SNHG17: variants seen among roughly 807,000 people sequenced by gnomAD.
SNHG17 encodes small nucleolar RNA host gene 17.
intron 3 of SNHG17, chr20:38,427,286 G>A (rs1265433840): frequency 2.0e-6 from 1 of 487,848 alleles, no homozygotes; most frequent in Non-Finnish European, 4.1e-6. Flanking sequence ...CTCCTCAAGG[G>A]CTGGCAGGAG....
intron 3 of SNHG17, chr20:38,429,623 G>A (rs758120086): frequency 2.1e-6 from 1 of 465,902 alleles, no homozygotes; most frequent in East Asian, 6.2e-5. Context: ...CCCACTAGAT[G>A]ATGCCAGGCA....
At chr20:38,424,370 G>C (rs565418747) in intron 5 of SNHG17, among the ~76,000 whole-genome samples, 1 of 151,814 alleles carries the variant, frequency 6.6e-6, no homozygotes, top group Non-Finnish European at 1.5e-5. Flanking sequence ...TGTCTCCCCC[G>C]ATTACTACTC....
chr20:38,435,288 G>A lies in SNHG17; in HGVS notation n.94C>T, dbSNP rs567677407. The A allele has an allele frequency of 1.8e-5, 22 of 1,231,744 alleles. No individual in the cohort carries two copies. The African/African-American group carries it at 1.9e-4, about 10-fold the overall frequency. The allele number at this position is 1,231,744 out of a possible 1,614,324, so 76.3% of individuals were successfully genotyped here. A position where few individuals can be genotyped will look rare whatever the true frequency, so the allele number is the denominator to read the frequency against. On this transcript the variant is annotated non_coding_transcript_exon_variant, in exon 1 of 9. Transcript: ENST00000654008. Reference sequence around the variant, plus strand: ...CAGATTTCGAGAGATGGGGTGCGGTGGCGTGCGATGGCGAAGGACGGCGAG... The same window carrying A: ...CAGATTTCGAGAGATGGGGTGCGGTAGCGTGCGATGGCGAAGGACGGCGAG...
chr20:38,431,043 G>A (rs928748261), exon 3 of SNHG17: 1 of 152,316 alleles, frequency 6.6e-6, no homozygotes, highest in Non-Finnish European at 1.5e-5. Context: ...CCACTTACCT[G>A]GGACCTCAGG....
chr20:38,434,000 CA>C (rs1468524217), intron 2 of SNHG17: 1 of 515,950 alleles, frequency 1.9e-6, no homozygotes, highest in African/African-American at 1.9e-5. Context: ...AATACAGGTG[CA>C]AAAAAGGGCA....
At chr20:38,426,810 A>T (rs2084255620) in intron 3 of SNHG17, among the ~76,000 whole-genome samples, 1 of 150,676 alleles carries the variant, frequency 6.6e-6, no homozygotes, top group Non-Finnish European at 1.5e-5. Flanking sequence ...GAGGGTCGAG[A>T]GAACAGGCGA....
intron 3 of SNHG17, chr20:38,428,031 G>GC (rs1340793709): frequency 1.3e-5 from 2 of 152,258 alleles, no homozygotes; most frequent in Non-Finnish European, 2.9e-5. Context: ...GAGGGAGGGA[G>GC]CATGAGGAAG....
At chr20:38,428,725 T>C (rs1600762531) in intron 3 of SNHG17, 1 of 152,254 alleles carries the variant, frequency 6.6e-6, no homozygotes, top group East Asian at 1.9e-4. Flanking sequence ...TCCAGCAGCG[T>C]CCAGCAAGCA....
At chr20:38,434,278 C>A (rs2084392254) in intron 2 of SNHG17, among the ~76,000 whole-genome samples, 1 of 152,212 alleles carries the variant, frequency 6.6e-6, no homozygotes, top group African/African-American at 2.4e-5. Context: ...CCTCAGAGAG[C>A]CTTTGCAGTT....
At chr20:38,421,493 C>A (rs1250522389) in intron 6 of SNHG17, 1 of 152,150 alleles carries the variant, frequency 6.6e-6, no homozygotes, top group East Asian at 1.9e-4. Flanking sequence ...CAGCGTGGGG[C>A]CCAGAGAGAA....
chr20:38,434,637 A>G, intron 1 of SNHG17: 1 of 174,432 alleles, frequency 5.7e-6, no homozygotes, highest in South Asian at 1.9e-4. Flanking sequence ...CTAGGCAAGG[A>G]AAAAGCACGG....
At chr20:38,433,527 T>C (rs1205761587) in intron 2 of SNHG17, among the ~76,000 whole-genome samples, 6 of 151,082 alleles carry the variant, frequency 4.0e-5, no homozygotes, top group Non-Finnish European at 7.4e-5. Flanking sequence ...AGTACAGGAG[T>C]TCAAGCTATG....
chr20:38,421,731 A>AG (rs1440341707), intron 6 of SNHG17: 2 of 152,286 alleles, frequency 1.3e-5, no homozygotes, highest in Non-Finnish European at 2.9e-5. Context: ...TGCACTGTTA[A>AG]TGATCGGGAC....
At chr20:38,426,783 C>T (rs950284110) in intron 3 of SNHG17, among the ~76,000 whole-genome samples, 1 of 150,694 alleles carries the variant, frequency 6.6e-6, no homozygotes, top group Non-Finnish European at 1.5e-5. Context: ...CAGTGAGTGA[C>T]ACCAATGCAC....
At chr20:38,430,068 G>A (rs2084317385) in intron 3 of SNHG17, among the ~76,000 whole-genome samples, 1 of 152,214 alleles carries the variant, frequency 6.6e-6, no homozygotes, top group Non-Finnish European at 1.5e-5. Context: ...TGTAATCCCA[G>A]CACTTTGGGA....
intron 2 of SNHG17, chr20:38,432,259 T>G (rs975749906): frequency 2.9e-6 from 2 of 700,574 alleles, no homozygotes; most frequent in Admixed American, 6.3e-5. Context: ...GAAGAACCAG[T>G]CATCAGGGAC....
chr20:38,426,523 C>A (rs997371502), intron 3 of SNHG17: 20 of 139,802 alleles, frequency 1.4e-4, no homozygotes, highest in African/African-American at 5.2e-4. Context: ...CAAGAAGCCA[C>A]ACATATCACT....
intron 3 of SNHG17, chr20:38,428,049 AG>A (rs1247775665): frequency 1.3e-5 from 2 of 152,296 alleles, no homozygotes; most frequent in Non-Finnish European, 2.9e-5. Flanking sequence ...AAGCTGGCAC[AG>A]GGATTCCTCC....
At chr20:38,433,885 T>C in intron 2 of SNHG17, 1 of 519,212 alleles carries the variant, frequency 1.9e-6, no homozygotes. Flanking sequence ...CTCCAGAGTT[T>C]GAAAGGGACA....
Sources: gnomAD v4.1 joint callset for allele counts (sites outside exome capture counted in the v4.1 genomes callset) on GRCh38, gnomAD v4.1.1 for gene constraint, MANE v1.5 for transcripts, NCBI Gene and HGNC (gene_info 2026-07-23, HGNC 2026-07-21) for gene names.